Variants in FOXP2 observed in about 807,000 individuals in gnomAD.
The protein encoded by FOXP2 is forkhead box protein P2.
FOXP2 carries 12 observed loss-of-function variants against 115.8 expected under a neutral mutation model. The observed-to-expected ratio is 0.10, with a 90% confidence interval of 0.07 to 0.17. The LOEUF (loss-of-function observed/expected upper bound fraction) is 0.17. Among genes scored for constraint, FOXP2 ranks in the 10% least tolerant of loss-of-function variants. The pLI is 1.00. For synonymous variants in FOXP2, 328 were observed against 297.7 expected, an observed-to-expected ratio of 1.10 and a Z score of -1.05; for missense variants, 629 against 843.5, an observed-to-expected ratio of 0.75 and a Z score of 3.15.
At chr7:114,604,415 G>T (rs1478441893) in intron 3 of FOXP2, among the ~76,000 whole-genome samples, 2 of 152,132 alleles carry the variant, frequency 1.3e-5, no homozygotes, top group African/African-American at 4.8e-5. Context: ...GATATTTGTT[G>T]TTCTCAGAAT....
chr7:114,266,412 G>A lies in FOXP2; in HGVS notation c.-101-21607G>A, dbSNP rs150690031. Among the ~76,000 whole-genome samples, 431 of 152,298 alleles carry A rather than the reference G, an allele frequency of 2.8e-3. 2 individuals are homozygous for A. Among genetic ancestry groups the A allele is most frequent in the Non-Finnish European group, 5.0e-3 (340 of 68,018 alleles). On this transcript the variant is annotated intron_variant, in intron 1 of 17. Transcript: ENST00000634411. ...CTGCAGACTGTACAGGAAGCATGGT[G>A]CCAGCATCTCCTCAGCTTCTGGGAG...
intron 16 of FOXP2, among the ~76,000 whole-genome samples, chr7:114,670,424 C>A (rs1807433065): frequency 6.6e-6 from 1 of 151,892 alleles, no homozygotes; most frequent in Non-Finnish European, 1.5e-5. Context: ...TCAACATGCT[C>A]CAGAACTTTG....
intron 3 of FOXP2, among the ~76,000 whole-genome samples, chr7:114,604,470 G>A (rs1196617474): frequency 6.6e-6 from 1 of 152,004 alleles, no homozygotes; most frequent in Non-Finnish European, 1.5e-5. Flanking sequence ...TTGGATGGAG[G>A]GACAGGTTTT....
At chr7:114,517,830 A>C (rs1798420126) in intron 2 of FOXP2, among the ~76,000 whole-genome samples, 1 of 152,076 alleles carries the variant, frequency 6.6e-6, no homozygotes, top group African/African-American at 2.4e-5. Flanking sequence ...ATTTCATACA[A>C]ATTTTAAGAT....
At chr7:114,173,354 C>CT (rs952365116) in intron 1 of FOXP2, among the ~76,000 whole-genome samples, 12 of 150,352 alleles carry the variant, frequency 8.0e-5, no homozygotes, top group Non-Finnish European at 1.5e-4. Context: ...TTTTCATTTT[C>CT]TTTTTTTTTC....
intron 2 of FOXP2, among the ~76,000 whole-genome samples, chr7:114,338,593 C>A (rs1018779700): frequency 2.6e-5 from 4 of 150,996 alleles, no homozygotes; most frequent in Admixed American, 6.6e-5. Context: ...CTGAAAATTT[C>A]TTTTACTCTG....
At chr7:114,433,350 A>G (rs1294347112) in intron 2 of FOXP2, among the ~76,000 whole-genome samples, 4 of 151,978 alleles carry the variant, frequency 2.6e-5, no homozygotes, top group Admixed American at 2.6e-4. Flanking sequence ...TCTAAATTAA[A>G]TTCTTTTACA....
intron 6 of FOXP2, among the ~76,000 whole-genome samples, chr7:114,635,185 C>T (rs953466110): frequency 2.0e-5 from 3 of 152,102 alleles, no homozygotes; most frequent in South Asian, 4.1e-4. Context: ...AGTCTTTGGG[C>T]GCAATATTCA....
chr7:114,651,196 A>G (rs983876037), intron 8 of FOXP2, among the ~76,000 whole-genome samples: 1 of 152,104 alleles, frequency 6.6e-6, no homozygotes, highest in African/African-American at 2.4e-5. Flanking sequence ...ACTTGGGTAA[A>G]TATATAAATT....
At chr7:114,575,936 A>T (rs576436796) in intron 3 of FOXP2, among the ~76,000 whole-genome samples, 2 of 152,008 alleles carry the variant, frequency 1.3e-5, no homozygotes, top group African/African-American at 4.8e-5. Context: ...ACAGTATTTT[A>T]TAAAATACTG....
intron 1 of FOXP2, among the ~76,000 whole-genome samples, chr7:114,252,311 T>C (rs957331135): frequency 1.3e-5 from 2 of 152,220 alleles, no homozygotes; most frequent in African/African-American, 4.8e-5. Flanking sequence ...CCTCATAAAA[T>C]GACTTAGGGA....
chr7:114,670,349 G>GTA (rs776618424), intron 16 of FOXP2, among the ~76,000 whole-genome samples: 14 of 151,964 alleles, frequency 9.2e-5, no homozygotes, highest in Non-Finnish European at 1.9e-4. Context: ...GAGTAATGTA[G>GTA]TATTATTTCA....
chr7:114,408,808 A>G (rs1298641353), intron 2 of FOXP2, among the ~76,000 whole-genome samples: 1 of 152,160 alleles, frequency 6.6e-6, no homozygotes, highest in Non-Finnish European at 1.5e-5. Context: ...CAGTGACATC[A>G]TATTTTAAAG....
chr7:114,503,964 C>A lies in FOXP2; in HGVS notation c.169-30653C>A, dbSNP rs537419627. 5.3e-5 allele frequency among the ~76,000 whole-genome samples: 8 copies of A among 151,578 alleles called. No individual in the cohort carries two copies. In the East Asian group the frequency reaches 1.2e-3, roughly 22 times the overall value. ...TAAAGAAAAGACCATATATTTCTAACAAGCATTAAGAAAAATGTGGACTTA... is the reference window on the plus strand; with the variant it reads ...TAAAGAAAAGACCATATATTTCTAAAAAGCATTAAGAAAAATGTGGACTTA... On this transcript the variant is annotated intron_variant, in intron 2 of 16. Transcript: ENST00000350908.
chr7:114,291,954 A>ATATAATATATATAT (rs2129176646), intron 2 of FOXP2, among the ~76,000 whole-genome samples: 1 of 140,156 alleles, frequency 7.1e-6, no homozygotes, highest in Admixed American at 7.5e-5. Context: ...TATAGATAAT[A>ATATAATATATATAT]TATAGAATAT....
At chr7:114,136,020 C>T (rs1461832132) in intron 1 of FOXP2, among the ~76,000 whole-genome samples, 2 of 151,706 alleles carry the variant, frequency 1.3e-5, no homozygotes, top group African/African-American at 2.4e-5. Flanking sequence ...AGTATAAAGC[C>T]CAAACAAGAT....
intron 16 of FOXP2, chr7:114,665,863 T>C (rs1182572271): frequency 6.6e-6 from 1 of 152,110 alleles, no homozygotes; most frequent in Non-Finnish European, 1.5e-5. Flanking sequence ...GTGGGTAGCT[T>C]GCGGCCTTTT....
rs901650848 is a variant in FOXP2 at position 114,359,180 on chromosome 7, G to T, written c.-10-67322G>T. Among the ~76,000 whole-genome samples the T allele has an allele frequency of 3.9e-5, 6 of 152,174 alleles. No individual in the cohort carries two copies. In the East Asian group the frequency reaches 9.7e-4, roughly 24 times the overall value. ...TAAAAGGGACCAATTAACAGCTCAG[G>T]TCATTGCTTCAGAGGGTGCAAGCCC... On this transcript the variant is annotated intron_variant, in intron 2 of 17. Coordinates refer to the FOXP2 transcript ENST00000634411.
chr7:114,393,472 T>C (rs958483612), intron 2 of FOXP2, among the ~76,000 whole-genome samples: 1 of 152,056 alleles, frequency 6.6e-6, no homozygotes, highest in Non-Finnish European at 1.5e-5. Context: ...TGTCAGAGTC[T>C]GACCAGAGAG....
Sources: allele counts gnomAD v4.1 joint callset (sites outside exome capture counted in the v4.1 genomes callset), GRCh38; gene constraint gnomAD v4.1.1; transcripts MANE v1.5; gene names NCBI Gene and HGNC (gene_info 2026-07-23, HGNC 2026-07-21).